The following LRRTM4 variants were observed in gnomAD, a reference collection of about 807,000 sequenced individuals.
The protein encoded by LRRTM4 is leucine-rich repeat transmembrane neuronal protein 4.
A neutral mutation model predicts 47.6 loss-of-function variants in LRRTM4; 25 were observed. The ratio of observed to expected loss-of-function variants is 0.53; its 90% CI spans 0.38 to 0.73. LRRTM4 has a LOEUF of 0.73. Among genes scored for constraint, LRRTM4 ranks in the 30% least tolerant of loss-of-function variants. The pLI, the probability that LRRTM4 is intolerant of heterozygous loss-of-function variation, is 0.00. For missense variants in LRRTM4, 638 were observed against 713.4 expected (o/e 0.89, Z 1.20); for synonymous variants, 311 against 269.5 (o/e 1.15, Z -1.51).
At position 76,818,944 on chromosome 2, in the gene LRRTM4, A is replaced by T. The variant is rs549530621; in HGVS notation, c.1552-70028T>A. 3.3e-5 allele frequency among the ~76,000 whole-genome samples: 5 copies of T among 151,946 alleles called. No homozygotes were observed. The East Asian group carries it at 9.7e-4, about 30-fold the overall frequency. On this transcript the variant is annotated intron_variant, in intron 3 of 3. Transcript: ENST00000409884. Reference sequence around the variant, plus strand: ...TAAAGTCAGTTTTAATAGTTTTACTAGTAAAGTTATACTAGTTTTACTAGT... The same window carrying T: ...TAAAGTCAGTTTTAATAGTTTTACTTGTAAAGTTATACTAGTTTTACTAGT...
chr2:76,786,013 C>A (rs1345095093), intron 3 of LRRTM4, among the ~76,000 whole-genome samples: 5 of 152,108 alleles, frequency 3.3e-5, no homozygotes, highest in Non-Finnish European at 7.4e-5. Context: ...TACCTAGCTG[C>A]TCCTATCTTT....
intron 3 of LRRTM4, among the ~76,000 whole-genome samples, chr2:76,843,949 T>A (rs1671764082): frequency 6.7e-6 from 1 of 149,112 alleles, no homozygotes; most frequent in Non-Finnish European, 1.5e-5. Flanking sequence ...ATGCCCAGAC[T>A]GGAGTGCAGT....
At chr2:76,839,970 C>T (rs898327144) in intron 3 of LRRTM4, among the ~76,000 whole-genome samples, 2 of 152,072 alleles carry the variant, frequency 1.3e-5, no homozygotes, top group East Asian at 3.9e-4. Context: ...TCCTATGTGT[C>T]ACACATTCAA....
At position 76,748,389 on chromosome 2, in the gene LRRTM4, T is replaced by C. The variant is rs1672719021; in HGVS notation, c.*306A>G. On this transcript the variant is annotated 3_prime_UTR_variant, in exon 4 of 4. Transcript: ENST00000409884. ...AATCAAATATACAAACAAACCTATATGTAGCTAGGGTGAAATCTATTTTTA... is the reference window on the plus strand; with the variant it reads ...AATCAAATATACAAACAAACCTATACGTAGCTAGGGTGAAATCTATTTTTA... 2.8e-6 allele frequency: 1 copy of C among 352,018 alleles called. No individual in the cohort carries two copies. The highest frequency in any genetic ancestry group is 5.3e-6 in the Non-Finnish European group (1 of 189,290). The allele number at this position is 352,018 out of a possible 1,614,324, so 21.8% of individuals were successfully genotyped here. A position where few individuals can be genotyped will look rare whatever the true frequency, so the allele number is the denominator to read the frequency against.
intron 3 of LRRTM4, among the ~76,000 whole-genome samples, chr2:77,386,262 T>C (rs891733339): frequency 1.3e-4 from 20 of 152,216 alleles, no homozygotes; most frequent in African/African-American, 4.6e-4. Flanking sequence ...TATAAATTTA[T>C]ACATCCAGGT....
chr2:77,126,986 G>T (rs1188178313), intron 3 of LRRTM4, among the ~76,000 whole-genome samples: 1 of 152,064 alleles, frequency 6.6e-6, no homozygotes, highest in Non-Finnish European at 1.5e-5. Context: ...TCTTCCTCTG[G>T]CTTTGGGAAG....
chr2:76,776,091 C>A (rs1673973128), intron 3 of LRRTM4, among the ~76,000 whole-genome samples: 2 of 152,054 alleles, frequency 1.3e-5, no homozygotes, highest in Admixed American at 6.5e-5. Context: ...ATGAACTCAT[C>A]ATTTTTTATG....
chr2:76,942,724 G>A (rs976074948), intron 3 of LRRTM4, among the ~76,000 whole-genome samples: 2 of 135,956 alleles, frequency 1.5e-5, no homozygotes, highest in African/African-American at 3.0e-5. Context: ...GTACAAAGTA[G>A]ATATACATTT....
chr2:76,943,456 T>C (rs964192522), intron 3 of LRRTM4, among the ~76,000 whole-genome samples: 8 of 152,142 alleles, frequency 5.3e-5, no homozygotes, highest in Middle Eastern at 6.8e-3. Flanking sequence ...ATAAATTAAT[T>C]AAATAAAACT....
intron 3 of LRRTM4, among the ~76,000 whole-genome samples, chr2:77,391,488 C>T (rs1219522590): frequency 1.3e-5 from 2 of 151,958 alleles, no homozygotes; most frequent in African/African-American, 4.8e-5. Context: ...ATTCAGTTCA[C>T]ATCTGTCTTC....
chr2:77,122,398 G>A (rs1413151014), intron 3 of LRRTM4, among the ~76,000 whole-genome samples: 1 of 150,754 alleles, frequency 6.6e-6, no homozygotes, highest in Non-Finnish European at 1.5e-5. Flanking sequence ...ACATGTTGCA[G>A]AATTCACCAG....
At chr2:76,914,701 G>C (rs574865836) in intron 3 of LRRTM4, among the ~76,000 whole-genome samples, 1 of 152,046 alleles carries the variant, frequency 6.6e-6, no homozygotes, top group East Asian at 1.9e-4. Context: ...TATTTAAATT[G>C]GTGTTTCCTT....
intron 3 of LRRTM4, among the ~76,000 whole-genome samples, chr2:77,215,000 G>C (rs1250990352): frequency 1.3e-5 from 2 of 152,058 alleles, no homozygotes; most frequent in African/African-American, 4.8e-5. Flanking sequence ...GCTATACCTA[G>C]TAACATTCCA....
intron 3 of LRRTM4, among the ~76,000 whole-genome samples, chr2:77,268,918 C>G (rs1676122334): frequency 6.6e-6 from 1 of 152,120 alleles, no homozygotes; most frequent in Non-Finnish European, 1.5e-5. Flanking sequence ...TACCCTGCCC[C>G]AGTCTGCTAA....
intron 3 of LRRTM4, among the ~76,000 whole-genome samples, chr2:77,292,933 C>A (rs1005485966): frequency 6.6e-6 from 1 of 151,508 alleles, no homozygotes; most frequent in East Asian, 1.9e-4. Context: ...TAATTCAGAT[C>A]GCATGACTTT....
Position 76,886,309 on chromosome 2 carries a change from A to C in LRRTM4, c.1552-137393T>G, listed in dbSNP as rs186784278. Among the ~76,000 whole-genome samples, 304 of 152,338 alleles carry C rather than the reference A, an allele frequency of 2.0e-3. 4 individuals are homozygous for C. Among genetic ancestry groups the C allele is most frequent in the Admixed American group, 7.0e-3 (107 of 15,300 alleles). The stretch of plus-strand genomic sequence containing the variant: ...TTTTTGAGAATTTCTCATTAATCAT[A>C]ATTAGACAACCTTAAACTTGCACAT... On this transcript the variant is annotated intron_variant, in intron 3 of 3. Transcript: ENST00000409884.
chr2:77,228,815 A>G (rs1025468768), intron 3 of LRRTM4, among the ~76,000 whole-genome samples: 1 of 152,214 alleles, frequency 6.6e-6, no homozygotes, highest in Non-Finnish European at 1.5e-5. Flanking sequence ...CACATGGTAT[A>G]TAATATTCAC....
At chr2:76,980,845 C>T (rs991104203) in intron 3 of LRRTM4, among the ~76,000 whole-genome samples, 17 of 152,122 alleles carry the variant, frequency 1.1e-4, no homozygotes, top group African/African-American at 3.4e-4. Context: ...CTTTGATTTA[C>T]ATTTCTCTGT....
At chr2:77,147,396 G>C (rs1168419545) in intron 3 of LRRTM4, among the ~76,000 whole-genome samples, 1 of 152,148 alleles carries the variant, frequency 6.6e-6, no homozygotes, top group East Asian at 1.9e-4. Context: ...TAGTGTGCAA[G>C]AGAGCAGAGC....
Sources: allele counts gnomAD v4.1 joint callset (sites outside exome capture counted in the v4.1 genomes callset), GRCh38; gene constraint gnomAD v4.1.1; transcripts MANE v1.5; gene names NCBI Gene and HGNC (gene_info 2026-07-23, HGNC 2026-07-21).